Variants in UBR7 observed in about 807,000 individuals in gnomAD.
UBR7 encodes the protein putative E3 ubiquitin-protein ligase UBR7.
A neutral mutation model predicts 57.0 loss-of-function variants in UBR7; 22 were observed. The observed-to-expected ratio is 0.39, with a 90% CI of 0.28 to 0.55. The LOEUF is 0.55. UBR7 is among the 20% of genes least tolerant of loss of function. UBR7 has a pLI of 0.69. For synonymous variants in UBR7, 167 were observed against 179.8 expected, an observed-to-expected ratio of 0.93 and a Z score of 0.57; for missense variants, 395 against 513.2, an observed-to-expected ratio of 0.77 and a Z score of 2.23.
intron 6 of UBR7, among the ~76,000 whole-genome samples, chr14:93,215,689 CAAAAAAAAAAA>C (rs34666080): frequency 1.4e-5 from 1 of 71,832 alleles, no homozygotes; most frequent in Non-Finnish European, 3.2e-5. Flanking sequence ...ACTCCATCCT[CAAAAAAAAAAA>C]AAAAAAAAAA....
chr14:93,217,534 T>A (rs1403000187), intron 6 of UBR7, among the ~76,000 whole-genome samples: 2 of 147,630 alleles, frequency 1.4e-5, no homozygotes, highest in Non-Finnish European at 3.0e-5. Flanking sequence ...TTTAAAAAAT[T>A]ACCCTTCTGT....
rs534402799 is a variant in UBR7, at chr14:93,222,170, C to T, written c.1124-143C>T. On this transcript the variant is annotated intron_variant, in intron 9 of 10. Coordinates refer to ENST00000013070, the MANE Select transcript of UBR7 (RefSeq NM_175748.4). ...GGTAGACGTACAGATAATTTGGGAA[C>T]GAGTTTCTATGCAGCTTTCACTTAA... The T allele has an allele frequency of 1.3e-4, 84 of 645,074 alleles. No homozygotes were observed. The Middle Eastern group carries it at 5.1e-3, about 39-fold the overall frequency. The allele number at this position is 645,074 out of a possible 1,614,324, so 40.0% of individuals were successfully genotyped here.
At chr14:93,211,006 TA>T (rs1260754114) in intron 3 of UBR7, among the ~76,000 whole-genome samples, 1 of 152,114 alleles carries the variant, frequency 6.6e-6, no homozygotes, top group Non-Finnish European at 1.5e-5. Context: ...GGATATGACT[TA>T]AAAACAATAA....
At chr14:93,226,895 G>A (rs374798256) in intron 10 of UBR7, 48 bp from the exon 11 acceptor site, 19 of 1,377,756 alleles carry the variant, frequency 1.4e-5, no homozygotes, top group Non-Finnish European at 1.8e-5. Flanking sequence ...CTCGGATTGC[G>A]ATTCTGTTAC....
rs1195691978 is a variant in UBR7, at chr14:93,222,317, CAAT to C, written c.1129_1131del (p.Asn377del). On this transcript the variant is annotated inframe_deletion, in exon 10 of 11. Coordinates refer to ENST00000013070, the MANE Select transcript of UBR7 (RefSeq NM_175748.4). ...ACTTTTGTGGTTTTGATTTAGAATA[CAAT>C]GATTTGAAGACTGAACTTAAAGACT... 6.2e-7 allele frequency: 1 copy of C among 1,605,336 alleles called. No homozygotes were observed. Among genetic ancestry groups the C allele is most frequent in the East Asian group, 2.2e-5 (1 of 44,836 alleles).
At chr14:93,218,297 G>A (rs1894630932) in intron 6 of UBR7, among the ~76,000 whole-genome samples, 1 of 152,170 alleles carries the variant, frequency 6.6e-6, no homozygotes, top group Admixed American at 6.5e-5. Context: ...TGTAGTCCCA[G>A]CTACTCGGGT....
intron 10 of UBR7, among the ~76,000 whole-genome samples, chr14:93,224,585 G>C (rs1245261226): frequency 2.6e-5 from 4 of 151,914 alleles, no homozygotes; most frequent in Non-Finnish European, 5.9e-5. Context: ...CACCGTGTTA[G>C]CCAGGATGGT....
At chr14:93,218,847 G>C (rs796785531) in intron 7 of UBR7, 112 bp downstream of exon 7, 6 of 1,141,560 alleles carry the variant, frequency 5.3e-6, no homozygotes, top group Non-Finnish European at 7.5e-6. Flanking sequence ...CTGAGGTCAC[G>C]GGTTTGAGAC....
Position 93,221,854 on chromosome 14 carries a change from G to A in UBR7, c.1124-459G>A, listed in dbSNP as rs757583819. On this transcript the variant is annotated intron_variant, in intron 9 of 10. Transcript: ENST00000013070. Reference sequence around the variant, plus strand: ...AAAAAGTAGCCAGGCATGGTGGCGCGTGCCTGTAGTCCCAGCTACTCGGGA... The same window carrying A: ...AAAAAGTAGCCAGGCATGGTGGCGCATGCCTGTAGTCCCAGCTACTCGGGA... 7.9e-5 allele frequency among the ~76,000 whole-genome samples: 12 copies of A among 152,026 alleles called. 1 individual carries two copies. Among genetic ancestry groups the A allele is most frequent in the Admixed American group, 2.0e-4 (3 of 15,252 alleles).
intron 10 of UBR7, chr14:93,223,784 G>A (rs1894768180): frequency 2.7e-6 from 2 of 738,894 alleles, no homozygotes; most frequent in Non-Finnish European, 4.9e-6. Flanking sequence ...CAGGTGCGGT[G>A]CCAGGCGCCC....
chr14:93,211,925 C>T lies in UBR7; in HGVS notation c.346-107C>T. The T allele has an allele frequency of 6.8e-6, 6 of 885,332 alleles. No homozygotes were observed. The South Asian group carries it at 9.4e-5, about 14-fold the overall frequency. 54.8% of individuals were successfully genotyped at this position (885,332 alleles called of 1,614,324 possible). Reference sequence around the variant, plus strand: ...TACTTTGAAAATTAAAGATCAGCCTCTTGGGGGAAATAATGTGGAAATGTA... The same window carrying T: ...TACTTTGAAAATTAAAGATCAGCCTTTTGGGGGAAATAATGTGGAAATGTA... On this transcript the variant is annotated intron_variant, in intron 3 of 10. Coordinates refer to ENST00000013070, the MANE Select transcript of UBR7 (RefSeq NM_175748.4).
At chr14:93,213,469 A>G (rs1047315053) in intron 4 of UBR7, among the ~76,000 whole-genome samples, 10 of 151,844 alleles carry the variant, frequency 6.6e-5, no homozygotes, top group African/African-American at 1.7e-4. Context: ...CACCACGCCC[A>G]GCTAATTTTT....
At chr14:93,224,121 G>A in intron 10 of UBR7, 1 of 774,460 alleles carries the variant, frequency 1.3e-6, no homozygotes, top group South Asian at 1.4e-5. Flanking sequence ...TACTCTCATA[G>A]TGTGCCCGAG....
In UBR7 at chr14:93,227,043, T is replaced by G; in HGVS notation, c.*8T>G. ...CAGTATTACTGCAGCTAGAGTGGAG[T>G]ATGAAGCTTTCTCATTCAAGCCAAT... On this transcript the variant is annotated 3_prime_UTR_variant, in exon 11 of 11. Coordinates refer to ENST00000013070, the MANE Select transcript of UBR7 (RefSeq NM_175748.4). 6.3e-7 allele frequency: 1 copy of G among 1,595,664 alleles called. No individual in the cohort carries two copies. Among genetic ancestry groups the G allele is most frequent in the Non-Finnish European group, 8.6e-7 (1 of 1,164,522 alleles).
At chr14:93,213,551 C>A (rs1209910978) in intron 4 of UBR7, among the ~76,000 whole-genome samples, 1 of 152,164 alleles carries the variant, frequency 6.6e-6, no homozygotes, top group Non-Finnish European at 1.5e-5. Context: ...TCATGATCCG[C>A]CTGCCTCGGG....
chr14:93,217,734 C>T (rs894232815), intron 6 of UBR7, among the ~76,000 whole-genome samples: 2 of 152,302 alleles, frequency 1.3e-5, no homozygotes, highest in African/African-American at 4.8e-5. Flanking sequence ...AATTTTCTTT[C>T]TCAGTATTTC....
At chr14:93,222,459 G>A (rs1223227768) in intron 10 of UBR7, 85 bp downstream of exon 10, 42 of 1,061,290 alleles carry the variant, frequency 4.0e-5, no homozygotes, top group South Asian at 2.0e-4. Context: ...AAATGACTGC[G>A]ACTGGCGGGG....
intron 1 of UBR7, 85 bp from the exon 2 acceptor site, chr14:93,209,739 T>A: frequency 6.7e-7 from 1 of 1,499,348 alleles, no homozygotes; most frequent in South Asian, 1.2e-5. Context: ...ATAATCTGAT[T>A]TTAATTATTT....
intron 10 of UBR7, chr14:93,224,050 C>CA: frequency 1.0e-6 from 1 of 1,001,926 alleles, no homozygotes; most frequent in Non-Finnish European, 1.6e-6. Flanking sequence ...CAAAGATTCG[C>CA]ATGTGGTAGA....
Sources: allele counts gnomAD v4.1 joint callset (sites outside exome capture counted in the v4.1 genomes callset), GRCh38; gene constraint gnomAD v4.1.1; transcripts MANE v1.5; gene names NCBI Gene and HGNC (gene_info 2026-07-23, HGNC 2026-07-21).